Variants in DNAH12 observed in about 807,000 individuals in gnomAD.
DNAH12 encodes dynein axonemal heavy chain 12.
In DNAH12, 285 loss-of-function variants were observed where a neutral mutation model predicts 371.5. That is an observed-to-expected ratio of 0.77 (90% confidence interval 0.70 to 0.85). The LOEUF (loss-of-function observed/expected upper bound fraction) is 0.85. DNAH12 is among the 40% of genes least tolerant of loss of function. The probability of loss-of-function intolerance (pLI) is 0.00; values close to 1 mark genes in which losing one functional copy is unlikely to be tolerated. For missense variants in DNAH12, 3,611 were observed against 3,689.4 expected (o/e 0.98, Z 0.55); for synonymous variants, 1,200 against 1,213.0 (o/e 0.99, Z 0.22).
rs61570396 is a variant in DNAH12 at position 57,521,063 on chromosome 3, CAAAAAAAAAAAAAAAAAAAAAA to C, written c.279+2498_279+2519del. Among the ~76,000 whole-genome samples the C allele has an allele frequency of 3.9e-4, 21 of 54,476 alleles. 1 individual carries two copies. In the South Asian group the frequency reaches 0.012, roughly 32 times the overall value. 35.7% of individuals were successfully genotyped at this position (54,476 alleles called of 152,430 possible). A position where few individuals can be genotyped will look rare whatever the true frequency, so the allele number is the denominator to read the frequency against. ...TGGGCGACAAAGTGAGACTCTGTCT[CAAAAAAAAAAAAAAAAAAAAAA>C]AAAAAAAAAAAAAAATTCTGGATTG... On this transcript the variant is annotated intron_variant, in intron 4 of 73. Transcript: ENST00000495027.
intron 60 of DNAH12, among the ~76,000 whole-genome samples, chr3:57,335,714 T>A (rs1403596030): frequency 3.9e-5 from 6 of 152,238 alleles, no homozygotes; most frequent in Non-Finnish European, 8.8e-5. Flanking sequence ...AGTTTGTTGC[T>A]GACTGAAACA....
chr3:57,336,685 A>G (rs2062231364), intron 60 of DNAH12, among the ~76,000 whole-genome samples: 1 of 152,200 alleles, frequency 6.6e-6, no homozygotes, highest in Non-Finnish European at 1.5e-5. Context: ...TTTTTAAAAA[A>G]TCATTAATAT....
chr3:57,428,248 G>T, intron 34 of DNAH12: 1 of 690,348 alleles, frequency 1.4e-6, no homozygotes, highest in Non-Finnish European at 2.1e-6. Context: ...CATCAAGTTT[G>T]TGGCAATTTG....
At chr3:57,553,594 C>T in the DNAH12 span, among the ~76,000 whole-genome samples, 8 of 152,288 alleles carry the variant, frequency 5.3e-5, no homozygotes, top group East Asian at 1.5e-3. Context: ...GTCTAGATCT[C>T]AGAATCCAGA....
intron 70 of DNAH12, chr3:57,297,229 C>T (rs2061251004): frequency 4.1e-6 from 2 of 489,048 alleles, no homozygotes; most frequent in South Asian, 6.2e-5. Context: ...AGAGTCAAAT[C>T]TTCTGCAAAA....
At chr3:57,320,527 T>C (rs2061781810) in intron 65 of DNAH12, among the ~76,000 whole-genome samples, 1 of 152,198 alleles carries the variant, frequency 6.6e-6, no homozygotes, top group African/African-American at 2.4e-5. Context: ...GTTCAAATTA[T>C]TGCTGGCCTA....
intron 12 of DNAH12, 90 bp downstream of exon 12, chr3:57,489,419 T>A: frequency 1.5e-6 from 2 of 1,319,992 alleles, no homozygotes; most frequent in Non-Finnish European, 2.0e-6. Context: ...TACTTACATA[T>A]TTTAAGCTTT....
intron 4 of DNAH12, among the ~76,000 whole-genome samples, chr3:57,514,074 G>A (rs1303162708): frequency 6.6e-6 from 1 of 152,088 alleles, no homozygotes; most frequent in African/African-American, 2.4e-5. Flanking sequence ...GATATGGAGC[G>A]ATTTCTAGGA....
intron 22 of DNAH12, among the ~76,000 whole-genome samples, chr3:57,456,184 T>C (rs977994400): frequency 3.9e-5 from 6 of 152,246 alleles, no homozygotes; most frequent in South Asian, 2.1e-4. Flanking sequence ...AATACTTTCA[T>C]GGACAATGGT....
chr3:57,507,882 T>A (rs146376760), intron 7 of DNAH12, 44 bp from the exon 8 acceptor site: 1 of 1,506,910 alleles, frequency 6.6e-7, no homozygotes, highest in Admixed American at 2.4e-5. Context: ...AAATGATACA[T>A]ATTGGTCTTA....
intron 60 of DNAH12, among the ~76,000 whole-genome samples, chr3:57,337,076 A>T (rs1214881905): frequency 1.3e-5 from 2 of 152,236 alleles, no homozygotes; most frequent in African/African-American, 4.8e-5. Context: ...CACCAATGAA[A>T]ACTAAAAGGA....
chr3:57,509,019 T>C lies in DNAH12; in HGVS notation c.542+121A>G. 4 of 851,826 alleles carry C rather than the reference T, an allele frequency of 4.7e-6. No homozygotes were observed. In the South Asian group the frequency reaches 5.4e-5, roughly 11 times the overall value. 52.8% of individuals were successfully genotyped at this position (851,826 alleles called of 1,614,324 possible). On this transcript the variant is annotated intron_variant, in intron 6 of 73. Transcript: ENST00000495027. Reference sequence around the variant, plus strand: ...CTGAGGTAAAAACAAGAGTACTTTTTTTTTAGATGTGTTCAAAATACCTTT... The same window carrying C: ...CTGAGGTAAAAACAAGAGTACTTTTCTTTTAGATGTGTTCAAAATACCTTT...
chr3:57,529,638 C>A (rs2068771573), intron 2 of DNAH12, among the ~76,000 whole-genome samples: 1 of 151,772 alleles, frequency 6.6e-6, no homozygotes. Context: ...TTTTCCTAGT[C>A]TGGTTAAAGG....
chr3:57,389,822 G>GTGTATATATATATATATATATATA (rs1326306277), intron 45 of DNAH12, among the ~76,000 whole-genome samples: 9 of 45,810 alleles, frequency 2.0e-4, no homozygotes, highest in Non-Finnish European at 5.7e-4. Flanking sequence ...GTGTGTGTGT[G>GTGTATATATATATATATATATATA]TATATATATA....
intron 4 of DNAH12, among the ~76,000 whole-genome samples, chr3:57,515,469 G>A (rs1287583782): frequency 6.6e-6 from 1 of 152,090 alleles, no homozygotes; most frequent in Admixed American, 6.6e-5. Context: ...ATAAAGCCAG[G>A]CCTTGTGGCG....
In DNAH12 at chr3:57,489,539, A is replaced by T; in HGVS notation, c.1484T>A (p.Ile495Lys). ...ATTTTCTTTTCTATATTTTGAAGCT[A>T]TGTCATTTAATAATATGTTTGCAAA... ...KAFANILLND[I>K]ASKYRKENEC... The change falls in exon 12 of 74, where the codon ATA (isoleucine) becomes AAA (lysine). Residue 495 changes from isoleucine to lysine, a missense_variant. By Grantham distance (102) the Ile-to-Lys change is moderately radical (BLOSUM62 -3). This residue lies in a region of DNAH12 where 1,314 missense variants were observed against 1,398.7 expected (regional missense o/e 0.94). Transcript: ENST00000495027. The T allele has an allele frequency of 6.6e-7, 1 of 1,517,648 alleles. No homozygotes were observed. The highest frequency in any genetic ancestry group is 8.8e-7 in the Non-Finnish European group (1 of 1,137,874). The allele number at this position is 1,517,648 out of a possible 1,614,324, so 94.0% of individuals were successfully genotyped here.
chr3:57,304,233 TTGG>T (rs1322167492), intron 69 of DNAH12, among the ~76,000 whole-genome samples: 1 of 152,208 alleles, frequency 6.6e-6, no homozygotes, highest in Non-Finnish European at 1.5e-5. Context: ...GAAAGCCTGT[TTGG>T]TGGTCTCTCC....
chr3:57,539,968 C>CT, intron 2 of DNAH12, among the ~76,000 whole-genome samples: 1 of 151,918 alleles, frequency 6.6e-6, no homozygotes, highest in East Asian at 1.9e-4. Context: ...GTTAACATGA[C>CT]TTTTTTGTTT....
At chr3:57,458,401 G>A (rs1383876680) in intron 20 of DNAH12, among the ~76,000 whole-genome samples, 181 bp from the exon 21 acceptor site, 1 of 152,136 alleles carries the variant, frequency 6.6e-6, no homozygotes, top group African/African-American at 2.4e-5. Context: ...AATTCAATAA[G>A]TTACAAATAC....
Sources: allele counts gnomAD v4.1 joint callset (sites outside exome capture counted in the v4.1 genomes callset), GRCh38; gene constraint gnomAD v4.1.1; regional missense constraint gnomAD v4.1.1; transcripts MANE v1.5; gene names NCBI Gene and HGNC (gene_info 2026-07-23, HGNC 2026-07-21).